ERGIC1: variants seen among roughly 807,000 people sequenced by gnomAD.
The protein encoded by ERGIC1 is endoplasmic reticulum-Golgi intermediate compartment protein 1.
ERGIC1 carries 19 observed loss-of-function variants against 38.3 expected under a neutral mutation model. The ratio of observed to expected loss-of-function variants is 0.50; its 90% CI spans 0.35 to 0.73. The LOEUF (loss-of-function observed/expected upper bound fraction) is 0.73. Among genes scored for constraint, ERGIC1 ranks in the 30% least tolerant of loss-of-function variants. The pLI, the probability that ERGIC1 is intolerant of heterozygous loss-of-function variation, is 0.01. For synonymous variants in ERGIC1, 124 were observed against 157.6 expected, an observed-to-expected ratio of 0.79 and a Z score of 1.60; for missense variants, 294 against 389.2, an observed-to-expected ratio of 0.76 and a Z score of 2.06.
intron 1 of ERGIC1, among the ~76,000 whole-genome samples, chr5:172,862,234 C>T (rs1761722506): frequency 2.0e-5 from 3 of 146,692 alleles, no homozygotes; most frequent in Non-Finnish European, 4.4e-5. Flanking sequence ...ATGATCTGCC[C>T]ACCGCAGCCT....
Position 172,951,959 on chromosome 5 carries a change from A to G in ERGIC1, c.*1143A>G, listed in dbSNP as rs577904946. 13 of 152,382 alleles carry G rather than the reference A, an allele frequency of 8.5e-5. No individual in the cohort carries two copies. Among genetic ancestry groups the G allele is most frequent in the African/African-American group, 2.9e-4 (12 of 41,576 alleles). The allele number at this position is 152,382 out of a possible 1,614,324, so 9.4% of individuals were successfully genotyped here. On this transcript the variant is annotated 3_prime_UTR_variant, in exon 10 of 10. Transcript: ENST00000393784. ...CTGTGCTCCTCCATCAGCTGGTCAC[A>G]TGCCAACACGTTCCCAGCCCCTGAG...
intron 1 of ERGIC1, among the ~76,000 whole-genome samples, chr5:172,876,243 A>G (rs1234484007): frequency 2.8e-4 from 43 of 152,348 alleles, no homozygotes; most frequent in Non-Finnish European, 7.3e-5. Flanking sequence ...ATTATTGTCT[A>G]GAGCCAGGAT....
At chr5:172,885,990 A>C (rs28665501) in intron 1 of ERGIC1, among the ~76,000 whole-genome samples, 7,050 of 151,820 alleles carry the variant, frequency 0.046, 195 homozygotes, top group African/African-American at 0.059. Flanking sequence ...CTGAGCCCGC[A>C]TCTCTACCTG....
rs1561738330 is a variant in ERGIC1 at position 172,923,376 on chromosome 5, G to C, written c.376-629G>C. The stretch of plus-strand genomic sequence containing the variant: ...GCATCTGGGAGGAGGAGGGGGAGGA[G>C]GGGGAGGAGGAGGGACTTCGTGCTG... On this transcript the variant is annotated intron_variant, in intron 5 of 9. Coordinates refer to ENST00000393784, the MANE Select transcript of ERGIC1 (RefSeq NM_001031711.3). Among the ~76,000 whole-genome samples the C allele has an allele frequency of 1.3e-5, 2 of 151,276 alleles. 1 individual carries two copies. Among genetic ancestry groups the C allele is most frequent in the South Asian group, 4.2e-4 (2 of 4,784 alleles).
intron 2 of ERGIC1, among the ~76,000 whole-genome samples, chr5:172,893,911 G>GTATATATATATATATACACACATATA (rs1581549097): frequency 5.7e-5 from 2 of 35,082 alleles, no homozygotes; most frequent in Non-Finnish European, 1.1e-4. Context: ...ATATATGTGT[G>GTATATATATATATATACACACATATA]TGTGTGTGTG....
intron 5 of ERGIC1, among the ~76,000 whole-genome samples, chr5:172,918,730 A>T (rs1044672643): frequency 6.6e-6 from 1 of 152,186 alleles, no homozygotes; most frequent in Non-Finnish European, 1.5e-5. Flanking sequence ...CGCAGGCCAC[A>T]GTTGGGGGTT....
rs1763312024 is a variant in ERGIC1, at chr5:172,914,750, A to G, written c.287A>G (p.His96Arg). Reference sequence around the variant, plus strand: ...GACATTCAGGATGAGATGGGCAGGCACGAAGTGGGCCACATCGACAACTCC... The same window carrying G: ...GACATTCAGGATGAGATGGGCAGGCGCGAAGTGGGCCACATCGACAACTCC... The part of the protein sequence containing the change: ...GLDIQDEMGR[H>R]EVGHIDNSMK... Residue 96 changes from histidine to arginine, a missense_variant, in exon 5 of 10, where the codon CAC (histidine) becomes CGC (arginine). Physicochemically the swap from His to Arg is conservative, Grantham distance 29 (BLOSUM62 0). Transcript: ENST00000393784. 5 of 1,614,018 alleles carry G rather than the reference A, an allele frequency of 3.1e-6. No homozygotes were observed. The highest frequency in any genetic ancestry group is 4.2e-6 in the Non-Finnish European group (5 of 1,180,038).
At chr5:172,924,815 C>G (rs758850398) in intron 6 of ERGIC1, among the ~76,000 whole-genome samples, 7 of 152,160 alleles carry the variant, frequency 4.6e-5, no homozygotes, top group Non-Finnish European at 7.3e-5. Flanking sequence ...CATTTTCTGT[C>G]CATCCATCTA....
intron 1 of ERGIC1, among the ~76,000 whole-genome samples, chr5:172,848,421 C>T (rs995729255): frequency 6.6e-6 from 1 of 152,332 alleles, no homozygotes; most frequent in Non-Finnish European, 1.5e-5. Context: ...CTAACTAGTA[C>T]TCTTCCTCAA....
chr5:172,911,083 C>T (rs1763196284), intron 4 of ERGIC1, among the ~76,000 whole-genome samples: 1 of 152,168 alleles, frequency 6.6e-6, no homozygotes, highest in Admixed American at 6.5e-5. Context: ...CTCTGCCCAG[C>T]CTGGCACAGA....
intron 3 of ERGIC1, among the ~76,000 whole-genome samples, chr5:172,904,706 G>A (rs550958529): frequency 1.3e-5 from 2 of 152,366 alleles, no homozygotes; most frequent in East Asian, 3.9e-4. Flanking sequence ...CCCTGCCATG[G>A]GGTGGTTGTG....
At chr5:172,843,992 C>T (rs1466526179) in intron 1 of ERGIC1, among the ~76,000 whole-genome samples, 1 of 152,220 alleles carries the variant, frequency 6.6e-6, no homozygotes, top group African/African-American at 2.4e-5. Context: ...GCGGCATAGT[C>T]CTGTGCACCT....
intron 1 of ERGIC1, among the ~76,000 whole-genome samples, chr5:172,851,161 A>T (rs1761394353): frequency 6.7e-6 from 1 of 149,166 alleles, no homozygotes; most frequent in Non-Finnish European, 1.5e-5. Context: ...AGATTGCACA[A>T]CTGCACTCCA....
intron 9 of ERGIC1, among the ~76,000 whole-genome samples, chr5:172,942,209 TA>T (rs1246791458): frequency 2.6e-5 from 4 of 151,376 alleles, no homozygotes; most frequent in African/African-American, 9.7e-5. Context: ...ATAATAATAA[TA>T]AAAAATAAAA....
At position 172,926,726 on chromosome 5, in the gene ERGIC1, G is replaced by T; in HGVS notation, c.541+157G>T. ...CATTCCCACAGCTAACCAGTGGGAAGGTGGACCCAGCCCCGTCCAGACCCA... is the reference window on the plus strand; with the variant it reads ...CATTCCCACAGCTAACCAGTGGGAATGTGGACCCAGCCCCGTCCAGACCCA... On this transcript the variant is annotated intron_variant, in intron 7 of 9. Transcript: ENST00000393784. This position sits in a 1 kb window ranked among gnomAD's most constrained non-coding sequence, Gnocchi z 5.2. 6.4e-6 allele frequency: 5 copies of T among 780,154 alleles called. No individual in the cohort carries two copies. Among genetic ancestry groups the T allele is most frequent in the Non-Finnish European group, 1.0e-5 (5 of 477,636 alleles). 48.3% of individuals were successfully genotyped at this position (780,154 alleles called of 1,614,324 possible).
intron 3 of ERGIC1, among the ~76,000 whole-genome samples, chr5:172,909,268 C>A (rs569018348): frequency 1.3e-5 from 2 of 150,626 alleles, no homozygotes; most frequent in African/African-American, 4.9e-5. Context: ...CTCCTGGGTT[C>A]GTGATTTTCA....
At chr5:172,853,147 G>A (rs1376055155) in intron 1 of ERGIC1, among the ~76,000 whole-genome samples, 1 of 152,222 alleles carries the variant, frequency 6.6e-6, no homozygotes, top group Non-Finnish European at 1.5e-5. Flanking sequence ...GGTTTACCAC[G>A]TGCTGTTGTT....
rs1441890827 is a variant in ERGIC1, at chr5:172,952,554, A to AT, written c.*1739dup. The AT allele has an allele frequency of 6.7e-6, 1 of 150,076 alleles. No individual in the cohort carries two copies. The highest frequency in any genetic ancestry group is 6.7e-5 in the Admixed American group (1 of 14,996). 9.3% of individuals were successfully genotyped at this position (150,076 alleles called of 1,614,324 possible). On this transcript the variant is annotated 3_prime_UTR_variant, in exon 10 of 10. Coordinates refer to ENST00000393784, the MANE Select transcript of ERGIC1 (RefSeq NM_001031711.3). Reference sequence around the variant, plus strand: ...AAAAACAACTCTGAGGACATAGGGGATGTCAGTTTCCTATGGAAGAGACAC... The same window carrying AT: ...AAAAACAACTCTGAGGACATAGGGGATTGTCAGTTTCCTATGGAAGAGACAC...
intron 4 of ERGIC1, among the ~76,000 whole-genome samples, chr5:172,914,218 G>C (rs1163133606): frequency 1.6e-5 from 2 of 122,716 alleles, no homozygotes; most frequent in Admixed American, 1.0e-4. Context: ...CTGGGCAAGA[G>C]AGCAAGACTC....
Sources: allele counts gnomAD v4.1 joint callset (sites outside exome capture counted in the v4.1 genomes callset), GRCh38; gene constraint gnomAD v4.1.1; non-coding constraint Gnocchi (gnomAD v3.1); transcripts MANE v1.5; gene names NCBI Gene and HGNC (gene_info 2026-07-23, HGNC 2026-07-21).